Variants in DR1 observed in about 807,000 individuals in gnomAD.
The protein encoded by DR1 is down-regulator of transcription 1.
Under a neutral mutation model 19.9 loss-of-function variants are expected in DR1, and 7 were observed. The ratio of observed to expected loss-of-function variants is 0.35; its 90% CI spans 0.20 to 0.66. DR1 has a LOEUF of 0.66. DR1 is among the 30% of genes least tolerant of loss of function. The probability of loss-of-function intolerance (pLI) is 0.66; values close to 1 mark genes in which losing one functional copy is unlikely to be tolerated. For missense variants in DR1, 98 were observed against 203.7 expected (o/e 0.48, Z 3.16); for synonymous variants, 76 against 72.5 (o/e 1.05, Z -0.24).
At chr1:93,351,436 CTTTTTTT>C (rs397862048) in intron 1 of DR1, among the ~76,000 whole-genome samples, 3 of 103,840 alleles carry the variant, frequency 2.9e-5, no homozygotes, top group Non-Finnish European at 5.8e-5. Context: ...GATTTTCTTT[CTTTTTTT>C]TTTTTTTTTT....
Position 93,365,089 on chromosome 1 carries a change from C to G in DR1, c.*4450C>G, listed in dbSNP as rs1248804754. ...AGCCAGGATGGTCTCGATCTCCTGA[C>G]CTCGTGATCCACCCGCCTTGGCCTC... On this transcript the variant is annotated 3_prime_UTR_variant, in exon 3 of 3. Transcript: ENST00000370272. The G allele has an allele frequency of 2.6e-5, 4 of 151,952 alleles. No individual in the cohort carries two copies. The highest frequency in any genetic ancestry group is 2.6e-4 in the Admixed American group (4 of 15,254). 9.4% of individuals were successfully genotyped at this position (151,952 alleles called of 1,614,324 possible).
intron 1 of DR1, 67 bp from the exon 2 acceptor site, chr1:93,353,841 G>C: frequency 7.5e-7 from 1 of 1,339,352 alleles, no homozygotes; most frequent in Non-Finnish European, 1.0e-6. Flanking sequence ...AAAAACTTTA[G>C]GTCTACGGGT....
chr1:93,353,620 C>T (rs1267417411), intron 1 of DR1, among the ~76,000 whole-genome samples: 1 of 152,110 alleles, frequency 6.6e-6, no homozygotes, highest in East Asian at 1.9e-4. Context: ...TCCCTGCTTA[C>T]AGGAAATGCT....
In DR1 at chr1:93,363,285, T is replaced by C. The variant is rs1207016507; in HGVS notation, c.*2646T>C. The C allele has an allele frequency of 6.6e-6, 1 of 152,220 alleles. No homozygotes were observed. The highest frequency in any genetic ancestry group is 1.5e-5 in the Non-Finnish European group (1 of 68,034). The allele number at this position is 152,220 out of a possible 1,614,324, so 9.4% of individuals were successfully genotyped here. A position where few individuals can be genotyped will look rare whatever the true frequency, so the allele number is the denominator to read the frequency against. On this transcript the variant is annotated 3_prime_UTR_variant, in exon 3 of 3. Transcript: ENST00000370272. The stretch of plus-strand genomic sequence containing the variant: ...TATTTTATGTAAATGTAATCATACA[T>C]AATACACTTTTTTTCATTCATCATT...
chr1:93,347,576 G>A (rs2101634487), intron 1 of DR1, among the ~76,000 whole-genome samples: 1 of 152,062 alleles, frequency 6.6e-6, no homozygotes, highest in Non-Finnish European at 1.5e-5. Context: ...TTGATTGAAA[G>A]TTTATGCAAG....
At chr1:93,355,920 C>A (rs979829415) in intron 2 of DR1, 1 of 152,128 alleles carries the variant, frequency 6.6e-6, no homozygotes, top group Non-Finnish European at 1.5e-5. Context: ...ATGACAGCCT[C>A]ATTTGAAGCT....
At chr1:93,350,649 TTTTG>T (rs1244473698) in intron 1 of DR1, among the ~76,000 whole-genome samples, 1 of 152,144 alleles carries the variant, frequency 6.6e-6, no homozygotes, top group Non-Finnish European at 1.5e-5. Context: ...TTTACTTCTT[TTTTG>T]TTTTTTTAAT....
chr1:93,346,393 C>A lies in DR1; in HGVS notation c.-253C>A, dbSNP rs978567960. 1 of 503,296 alleles carries A rather than the reference C, an allele frequency of 2.0e-6. No homozygotes were observed. The highest frequency in any genetic ancestry group is 3.6e-6 in the Non-Finnish European group (1 of 277,596). The allele number at this position is 503,296 out of a possible 1,614,324, so 31.2% of individuals were successfully genotyped here. ...TTTCCGGACCACCGCGCTTTCCCCTCCTCAGCCTGGGCTGTGCTCTCTCTA... is the reference window on the plus strand; with the variant it reads ...TTTCCGGACCACCGCGCTTTCCCCTACTCAGCCTGGGCTGTGCTCTCTCTA... On this transcript the variant is annotated 5_prime_UTR_variant, in exon 1 of 3. Coordinates refer to ENST00000370272, the MANE Select transcript of DR1 (RefSeq NM_001938.3).
intron 1 of DR1, among the ~76,000 whole-genome samples, chr1:93,350,766 G>A (rs1056847201): frequency 4.6e-5 from 7 of 151,846 alleles, no homozygotes; most frequent in Admixed American, 2.6e-4. Context: ...TGAGATACAC[G>A]GCATAGGGTG....
At chr1:93,353,868 T>C in intron 1 of DR1, 40 bp from the exon 2 acceptor site, 2 of 1,532,450 alleles carry the variant, frequency 1.3e-6, no homozygotes, top group Non-Finnish European at 1.8e-6. Context: ...AAAGCTGTGT[T>C]TTATCACCCT....
At position 93,360,816 on chromosome 1, in the gene DR1, C is replaced by T. The variant is rs2101640363; in HGVS notation, c.*177C>T. 1 of 655,872 alleles carries T rather than the reference C, an allele frequency of 1.5e-6. No individual in the cohort carries two copies. The highest frequency in any genetic ancestry group is 3.5e-5 in the East Asian group (1 of 28,868). The allele number at this position is 655,872 out of a possible 1,614,324, so 40.6% of individuals were successfully genotyped here. ...TGTGCTATACATGTAAAAACTGTCT[C>T]TTTGAACTATTGAAAATTTAAGGTT... On this transcript the variant is annotated 3_prime_UTR_variant, in exon 3 of 3. Coordinates refer to ENST00000370272, the MANE Select transcript of DR1 (RefSeq NM_001938.3).
In DR1 at chr1:93,364,753, A is replaced by G. The variant is rs1667097507; in HGVS notation, c.*4114A>G. On this transcript the variant is annotated 3_prime_UTR_variant, in exon 3 of 3. Transcript: ENST00000370272. ...ATCCTATTTCCTCAAAATAAATGAGAAGAGAAAGTAAGGAATAAGAGGAAG... is the reference window on the plus strand; with the variant it reads ...ATCCTATTTCCTCAAAATAAATGAGGAGAGAAAGTAAGGAATAAGAGGAAG... 1 of 151,952 alleles carries G rather than the reference A, an allele frequency of 6.6e-6. No homozygotes were observed. The highest frequency in any genetic ancestry group is 6.5e-5 in the Admixed American group (1 of 15,278). The allele number at this position is 151,952 out of a possible 1,614,324, so 9.4% of individuals were successfully genotyped here.
rs868104414 is a variant in DR1 at position 93,345,982 on chromosome 1, T to C, written c.-664T>C. 1.3e-5 allele frequency: 2 copies of C among 154,508 alleles called. No homozygotes were observed. The highest frequency in any genetic ancestry group is 3.4e-4 in the South Asian group (2 of 5,944). 9.6% of individuals were successfully genotyped at this position (154,508 alleles called of 1,614,324 possible). ...GGACCACCGTTGCCGCGTCTTCGGC[T>C]TCCACGATCTGCGTTCGGGCTACGC... On this transcript the variant is annotated 5_prime_UTR_variant, in exon 1 of 3. Transcript: ENST00000370272.
rs1210251366 is a variant in DR1, at chr1:93,365,610, A to AG, written c.*4974dup. On this transcript the variant is annotated 3_prime_UTR_variant, in exon 3 of 3. Transcript: ENST00000370272. ...TTTTACTTTTAGGATAAGACACTTG[A>AG]GGGAAAGGCTGTGAAACTGAACCTC... is the stretch of plus-strand genomic sequence containing the variant. 1 of 152,218 alleles carries AG rather than the reference A, an allele frequency of 6.6e-6. No individual in the cohort carries two copies. The highest frequency in any genetic ancestry group is 2.4e-5 in the African/African-American group (1 of 41,450). The allele number at this position is 152,218 out of a possible 1,614,324, so 9.4% of individuals were successfully genotyped here. A position where few individuals can be genotyped will look rare whatever the true frequency, so the allele number is the denominator to read the frequency against.
At position 93,353,939 on chromosome 1, in the gene DR1, C is replaced by A. The variant is rs765008831; in HGVS notation, c.252C>A (p.Ile84=). Residue 84 remains isoleucine, a synonymous_variant, in exon 2 of 3, where the codon ATC becomes ATA. Transcript: ENST00000370272. ...AAAGTTTGGGATTTGGCTCTTACATCAGTGAAGTAAAAGAAGTCTTGCAAG... is the reference window on the plus strand; with the variant it reads ...AAAGTTTGGGATTTGGCTCTTACATAAGTGAAGTAAAAGAAGTCTTGCAAG... ...ALESLGFGSY[I]SEVKEVLQEC... 2 of 1,610,482 alleles carry A rather than the reference C, an allele frequency of 1.2e-6. No homozygotes were observed. Among genetic ancestry groups the A allele is most frequent in the Non-Finnish European group, 1.7e-6 (2 of 1,178,474 alleles).
In DR1 at chr1:93,353,958, T is replaced by C. The variant is rs1356958821; in HGVS notation, c.271T>C (p.Leu91=). Residue 91 remains leucine, a synonymous_variant, in exon 2 of 3, where the codon TTG becomes CTG. Transcript: ENST00000370272. ...GSYISEVKEV[L]QECKTVALKR... ...TTACATCAGTGAAGTAAAAGAAGTC[T>C]TGCAAGAGTGTAAAACAGTAGCATT... 2 of 1,613,300 alleles carry C rather than the reference T, an allele frequency of 1.2e-6. No homozygotes were observed. Among genetic ancestry groups the C allele is most frequent in the South Asian group, 2.2e-5 (2 of 90,868 alleles).
At chr1:93,359,532 A>G (rs989748424) in intron 2 of DR1, among the ~76,000 whole-genome samples, 1 of 152,240 alleles carries the variant, frequency 6.6e-6, no homozygotes, top group Non-Finnish European at 1.5e-5. Flanking sequence ...GATGACTAGG[A>G]ATTAGCTATG....
At chr1:93,360,294 A>G (rs1291997027) in intron 2 of DR1, among the ~76,000 whole-genome samples, 199 bp from the exon 3 acceptor site, 1 of 152,164 alleles carries the variant, frequency 6.6e-6, no homozygotes, top group Admixed American at 6.5e-5. Context: ...AGACCTGTGT[A>G]GTTAGAAAAA....
intron 1 of DR1, among the ~76,000 whole-genome samples, chr1:93,353,104 G>A (rs908512374): frequency 1.3e-5 from 2 of 151,758 alleles, no homozygotes; most frequent in South Asian, 4.2e-4. Context: ...CATGTTGCCC[G>A]CGGTGGTCTT....
Sources: gnomAD v4.1 joint callset for allele counts (sites outside exome capture counted in the v4.1 genomes callset) on GRCh38, gnomAD v4.1.1 for gene constraint, MANE v1.5 for transcripts, NCBI Gene and HGNC (gene_info 2026-07-23, HGNC 2026-07-21) for gene names.